SLC24A2: variants seen among roughly 807,000 people sequenced by gnomAD.
SLC24A2 encodes the protein sodium/potassium/calcium exchanger 2.
A neutral mutation model predicts 62.0 loss-of-function variants in SLC24A2; 36 were observed. That is an observed-to-expected ratio of 0.58 (90% CI 0.44 to 0.77). The LOEUF is 0.77. SLC24A2 is among the 30% of genes least tolerant of loss of function. The probability of loss-of-function intolerance (pLI) is 0.00; values close to 1 mark genes in which losing one functional copy is unlikely to be tolerated. For synonymous variants in SLC24A2, 358 were observed against 294.0 expected (o/e 1.22, Z -2.23); for missense variants, 846 against 817.9 (o/e 1.03, Z -0.42).
intron 2 of SLC24A2, among the ~76,000 whole-genome samples, chr9:19,782,318 T>C (rs1164150803): frequency 6.6e-6 from 1 of 152,178 alleles, no homozygotes; most frequent in Non-Finnish European, 1.5e-5. Flanking sequence ...TATACAGACA[T>C]TTTAAGAAGA....
At chr9:20,288,155 T>G in the SLC24A2 span, among the ~76,000 whole-genome samples, 2 of 152,172 alleles carry the variant, frequency 1.3e-5, no homozygotes, top group South Asian at 4.1e-4. Context: ...ACTTAGTGAC[T>G]TGCAACCATC....
chr9:19,711,648 G>C (rs1334364592), intron 2 of SLC24A2, among the ~76,000 whole-genome samples: 1 of 152,194 alleles, frequency 6.6e-6, no homozygotes, highest in East Asian at 1.9e-4. Context: ...CAAAATCAAA[G>C]CACATACCAT....
chr9:19,970,881 G>T, the SLC24A2 span, among the ~76,000 whole-genome samples: 1 of 152,122 alleles, frequency 6.6e-6, no homozygotes, highest in Non-Finnish European at 1.5e-5. Flanking sequence ...TCAACAAGTG[G>T]TTTTTCTGAT....
chr9:19,835,918 A>G, the SLC24A2 span, among the ~76,000 whole-genome samples: 2 of 152,254 alleles, frequency 1.3e-5, no homozygotes, highest in Admixed American at 6.5e-5. Context: ...CAGGATTAAG[A>G]AACTCATTCA....
chr9:19,906,579 G>A, the SLC24A2 span, among the ~76,000 whole-genome samples: 1 of 151,980 alleles, frequency 6.6e-6, no homozygotes, highest in East Asian at 1.9e-4. Context: ...ACAGACCGCT[G>A]GCAACACTAA....
chr9:20,160,933 T>C, the SLC24A2 span, among the ~76,000 whole-genome samples: 27 of 149,946 alleles, frequency 1.8e-4, no homozygotes, highest in Non-Finnish European at 4.0e-4. Context: ...ATAGATTAAG[T>C]TAATATATCA....
the SLC24A2 span, among the ~76,000 whole-genome samples, chr9:20,049,309 CATAGTGTA>C: frequency 2.0e-5 from 3 of 152,306 alleles, no homozygotes; most frequent in East Asian, 3.9e-4. Context: ...CCATATAATT[CATAGTGTA>C]ACACTCCACT....
chr9:19,719,434 C>A (rs1008780388), intron 2 of SLC24A2, among the ~76,000 whole-genome samples: 2 of 152,168 alleles, frequency 1.3e-5, no homozygotes, highest in African/African-American at 4.8e-5. Context: ...ACAACACTCT[C>A]AGAGAGGAGT....
At chr9:19,819,530 A>C in the SLC24A2 span, among the ~76,000 whole-genome samples, 1 of 152,116 alleles carries the variant, frequency 6.6e-6, no homozygotes, top group East Asian at 1.9e-4. Flanking sequence ...AAACAATCCC[A>C]TCAAAAAGTG....
chr9:19,593,383 G>A (rs551424762), intron 5 of SLC24A2, among the ~76,000 whole-genome samples: 2 of 152,270 alleles, frequency 1.3e-5, no homozygotes, highest in East Asian at 3.9e-4. Flanking sequence ...TTGGCTTGGG[G>A]TGGGGAGAGG....
chr9:19,765,652 C>T (rs540128596), intron 2 of SLC24A2, among the ~76,000 whole-genome samples: 2 of 152,360 alleles, frequency 1.3e-5, no homozygotes, highest in South Asian at 4.1e-4. Flanking sequence ...TGTAGGGTTT[C>T]TGCAGACAGA....
At chr9:20,078,408 T>A in the SLC24A2 span, among the ~76,000 whole-genome samples, 28 of 150,764 alleles carry the variant, frequency 1.9e-4, no homozygotes, top group Non-Finnish European at 3.7e-4. Context: ...CAGAGCCTGA[T>A]TCAGTGGTCA....
chr9:19,899,980 G>A, the SLC24A2 span, among the ~76,000 whole-genome samples: 1 of 152,272 alleles, frequency 6.6e-6, no homozygotes, highest in African/African-American at 2.4e-5. Flanking sequence ...TGGGGACACA[G>A]CCAAACCATA....
chr9:19,864,821 C>T, the SLC24A2 span, among the ~76,000 whole-genome samples: 9 of 152,072 alleles, frequency 5.9e-5, no homozygotes, highest in African/African-American at 2.2e-4. Context: ...CAACATAGTA[C>T]TGGAAGTCCT....
At chr9:19,534,832 T>C (rs761224132) in intron 8 of SLC24A2, among the ~76,000 whole-genome samples, 3 of 152,170 alleles carry the variant, frequency 2.0e-5, no homozygotes, top group Non-Finnish European at 4.4e-5. Context: ...TGTACATGTG[T>C]CTTTATAGTA....
the SLC24A2 span, among the ~76,000 whole-genome samples, chr9:19,978,057 T>C: frequency 3.3e-5 from 5 of 152,262 alleles, no homozygotes; most frequent in Middle Eastern, 3.4e-3. Context: ...CCGGGATAAA[T>C]AGATGGGTGT....
chr9:19,788,840 C>CACAGCGGCT lies in SLC24A2; in HGVS notation c.-154+36_-154+44dup, dbSNP rs1188353224. On this transcript the variant is annotated intron_variant, in intron 1 of 10. Transcript: ENST00000341998. ...GCAACCGGGATGCGGGGACGACCGC[C>CACAGCGGCT]ACAGCGGCTACAGCGGCAGGCGGGG... The CACAGCGGCT allele has an allele frequency of 1.2e-5, 12 of 985,470 alleles. No individual in the cohort carries two copies. The East Asian group carries it at 8.0e-4, about 65-fold the overall frequency. 61.0% of individuals were successfully genotyped at this position (985,470 alleles called of 1,614,324 possible).
chr9:19,556,100 G>A (rs1016040414), intron 7 of SLC24A2, among the ~76,000 whole-genome samples: 22 of 152,170 alleles, frequency 1.4e-4, no homozygotes, highest in African/African-American at 5.1e-4. Context: ...CGAGTTTCAC[G>A]GGTCACTCAG....
intron 2 of SLC24A2, among the ~76,000 whole-genome samples, chr9:19,708,010 T>C (rs1820587168): frequency 6.6e-6 from 1 of 152,134 alleles, no homozygotes; most frequent in Non-Finnish European, 1.5e-5. Flanking sequence ...AAAACCCCAT[T>C]GTCTCAGCCC....
Sources: allele counts gnomAD v4.1 joint callset (sites outside exome capture counted in the v4.1 genomes callset), GRCh38; gene constraint gnomAD v4.1.1; transcripts MANE v1.5; gene names NCBI Gene and HGNC (gene_info 2026-07-23, HGNC 2026-07-21).